Variants in COPG1 observed in about 807,000 individuals in gnomAD.
COPG1 encodes coatomer subunit gamma-1.
In COPG1, 29 loss-of-function variants were observed where a neutral mutation model predicts 102.8. The observed-to-expected ratio is 0.28, with a 90% CI of 0.21 to 0.38. COPG1 has a LOEUF of 0.38. COPG1 is among the 10% of genes least tolerant of loss of function. The pLI is 1.00. For missense variants in COPG1, 875 were observed against 1,132.7 expected (o/e 0.77, Z 3.27); for synonymous variants, 406 against 421.6 (o/e 0.96, Z 0.45).
chr3:129,264,922 A>G (rs1336441379), intron 13 of COPG1, among the ~76,000 whole-genome samples: 1 of 151,488 alleles, frequency 6.6e-6, no homozygotes, highest in East Asian at 1.9e-4. Flanking sequence ...CCTGGGTTCA[A>G]GTGATTCTCC....
chr3:129,272,266 A>G lies in COPG1; in HGVS notation c.2009A>G (p.Asn670Ser), dbSNP rs757772922. ...CAGTTTGACTGCACAAACACACTCA[A>G]TGACCAGACCTTGGAGAATGTCACA... ...VFQFDCTNTL[N>S]DQTLENVTVQ... is the part of the protein sequence containing the mutation. The change falls in exon 20 of 24, where the codon AAT becomes AGT. Residue 670 changes from asparagine (N) to serine (S), a missense_variant. Transcript: ENST00000314797. 155 of 1,613,878 alleles carry G rather than the reference A, an allele frequency of 9.6e-5. No homozygotes were observed. The highest frequency in any genetic ancestry group is 1.3e-4 in the Non-Finnish European group (149 of 1,179,896).
At chr3:129,259,679 G>A (rs1308467014) in intron 10 of COPG1, among the ~76,000 whole-genome samples, 1 of 152,132 alleles carries the variant, frequency 6.6e-6, no homozygotes, top group Admixed American at 6.5e-5. Flanking sequence ...CCAGAAAACA[G>A]TAGTCATCTT....
At chr3:129,251,444 C>T (rs889284544) in intron 2 of COPG1, among the ~76,000 whole-genome samples, 2 of 150,838 alleles carry the variant, frequency 1.3e-5, no homozygotes, top group East Asian at 1.9e-4. Flanking sequence ...TGCAGTGGCA[C>T]GATCTCGGCT....
chr3:129,260,965 C>T (rs1225076213), intron 12 of COPG1, among the ~76,000 whole-genome samples, 158 bp downstream of exon 12: 1 of 152,204 alleles, frequency 6.6e-6, no homozygotes, highest in Non-Finnish European at 1.5e-5. Context: ...ACTTGGCCTT[C>T]CGAGAAATGT....
intron 16 of COPG1, 40 bp downstream of exon 16, chr3:129,268,080 T>C: frequency 6.7e-7 from 1 of 1,501,090 alleles, no homozygotes. Context: ...AGCACCTTAC[T>C]GGAGCTGTGG....
At chr3:129,272,033 A>G in intron 19 of COPG1, 124 bp downstream of exon 19, 5 of 1,183,688 alleles carry the variant, frequency 4.2e-6, no homozygotes, top group Non-Finnish European at 5.9e-6. Flanking sequence ...TGATGACAGA[A>G]TCTGTCCCCA....
chr3:129,260,507 T>A, intron 11 of COPG1, 107 bp downstream of exon 11: 1 of 1,507,362 alleles, frequency 6.6e-7, no homozygotes, highest in South Asian at 1.2e-5. Flanking sequence ...ACAGTTAGTT[T>A]CTTCTAGATG....
Position 129,255,069 on chromosome 3 carries a change from T to C in COPG1, c.484T>C (p.Ser162Pro), listed in dbSNP as rs1939778990. The C allele has an allele frequency of 6.2e-7, 1 of 1,613,312 alleles. No homozygotes were observed. Among genetic ancestry groups the C allele is most frequent in the Non-Finnish European group, 8.5e-7 (1 of 1,179,258 alleles). Residue 162 changes from serine to proline, a missense_variant, in exon 7 of 24, where the codon TCT (serine) becomes CCT (proline). Physicochemically the swap from Ser to Pro is moderately conservative, Grantham distance 74. Transcript: ENST00000314797. ...VPSVSSSALV[S>P]SLHLLKCSFD... ...CAGTGTCTCCAGCTCTGCCCTCGTG[T>C]CTTCCTTGGTGTGTAGTTGCTGCTG...
chr3:129,272,396 C>G lies in COPG1; in HGVS notation c.2139C>G (p.Pro713=), dbSNP rs1243796155. ...PGTCYTLVAL[P]KEDPTAVACT... ...CCTGCTACACACTGGTGGCACTGCC[C>G]AAAGAAGACCCCACAGCTGGTGAGC... The change falls in exon 20 of 24, where the codon CCC becomes CCG. Residue 713 remains proline (P), a synonymous_variant. Transcript: ENST00000314797. The G allele has an allele frequency of 6.2e-7, 1 of 1,613,688 alleles. No homozygotes were observed. Among genetic ancestry groups the G allele is most frequent in the South Asian group, 1.1e-5 (1 of 91,026 alleles).
chr3:129,252,299 A>T lies in COPG1; in HGVS notation c.109A>T (p.Thr37Ser). ...VLQEARVFNE[T>S]PINPRKCAHI... Reference sequence around the variant, plus strand: ...TTCTTAGGCCCGTGTATTTAATGAAACTCCCATCAACCCTCGGAAATGTGC... The same window carrying T: ...TTCTTAGGCCCGTGTATTTAATGAATCTCCCATCAACCCTCGGAAATGTGC... The change falls in exon 3 of 24, where the codon ACT (threonine) becomes TCT (serine). Residue 37 changes from threonine (T) to serine (S), a missense_variant. Thr to Ser is a moderately conservative substitution (Grantham distance 58). Transcript: ENST00000314797. 6.2e-7 allele frequency: 1 copy of T among 1,611,518 alleles called. No individual in the cohort carries two copies. Among genetic ancestry groups the T allele is most frequent in the Non-Finnish European group, 8.5e-7 (1 of 1,177,816 alleles).
chr3:129,254,731 C>T lies in COPG1; in HGVS notation c.387C>T (p.Cys129=). The T allele has an allele frequency of 1.2e-6, 2 of 1,613,846 alleles. No homozygotes were observed. The highest frequency in any genetic ancestry group is 4.5e-5 in the East Asian group (2 of 44,886). The stretch of plus-strand genomic sequence containing the variant: ...GGGGCCCGGCCGTGCGAGCCCTCTG[C>T]CAGATCACTGATGTGAGTCGTGCCG... ...NYRGPAVRAL[C]QITDSTMLQA... Residue 129 remains cysteine (C), a synonymous_variant, in exon 6 of 24, where the codon TGC becomes TGT. Coordinates refer to ENST00000314797, the MANE Select transcript of COPG1 (RefSeq NM_016128.4).
At chr3:129,263,453 G>A (rs545371018) in intron 12 of COPG1, among the ~76,000 whole-genome samples, 1 of 152,216 alleles carries the variant, frequency 6.6e-6, no homozygotes, top group South Asian at 2.1e-4. Context: ...TATAAGAGGC[G>A]GTTAAAGCCA....
chr3:129,254,400 G>A (rs1939764111), intron 5 of COPG1: 1 of 420,304 alleles, frequency 2.4e-6, no homozygotes, highest in Non-Finnish European at 4.3e-6. Flanking sequence ...TAGCCAGTTA[G>A]GGAAGTTCAA....
intron 17 of COPG1, 119 bp downstream of exon 17, chr3:129,268,739 T>A: frequency 1.6e-6 from 2 of 1,287,426 alleles, no homozygotes; most frequent in Non-Finnish European, 2.2e-6. Context: ...GAGGAGGAAA[T>A]GATCTTTTCC....
At chr3:129,272,721 G>A (rs1005379612) in intron 20 of COPG1, 86 bp from the exon 21 acceptor site, 2 of 797,108 alleles carry the variant, frequency 2.5e-6, no homozygotes, top group African/African-American at 3.4e-5. Flanking sequence ...AGCAGGCTGT[G>A]ACCCCTGCCT....
At chr3:129,270,574 T>C (rs1156988756) in intron 18 of COPG1, among the ~76,000 whole-genome samples, 1 of 152,180 alleles carries the variant, frequency 6.6e-6, no homozygotes, top group Non-Finnish European at 1.5e-5. Flanking sequence ...CAAAAGTTCC[T>C]CCTAATATCT....
chr3:129,258,705 C>G (rs1939864124), intron 10 of COPG1, among the ~76,000 whole-genome samples: 1 of 152,208 alleles, frequency 6.6e-6, no homozygotes, highest in African/African-American at 2.4e-5. Context: ...ATCCGCCCGC[C>G]TCGGCCTCCC....
chr3:129,255,136 A>C, intron 7 of COPG1, 59 bp downstream of exon 7: 1 of 1,096,610 alleles, frequency 9.1e-7, no homozygotes, highest in South Asian at 1.3e-5. Context: ...AGAAAATTTA[A>C]GAGTCACATT....
chr3:129,268,940 C>G lies in COPG1; in HGVS notation c.1783C>G (p.Pro595Ala), dbSNP rs777619383. ...PMAEQRTEST[P>A]ITAVKQPEKV... ...ATAATTTGCTCCTGCAGAAAGTACCCCCATCACAGCAGTCAAACAGCCTGA... is the reference window on the plus strand; with the variant it reads ...ATAATTTGCTCCTGCAGAAAGTACCGCCATCACAGCAGTCAAACAGCCTGA... Residue 595 changes from proline (P) to alanine (A), a missense_variant, in exon 18 of 24, where the codon CCC becomes GCC. Coordinates refer to ENST00000314797, the MANE Select transcript of COPG1 (RefSeq NM_016128.4). 5.0e-6 allele frequency: 8 copies of G among 1,614,086 alleles called. No individual in the cohort carries two copies. The Admixed American group carries it at 1.2e-4, about 24-fold the overall frequency.
Sources: allele counts gnomAD v4.1 joint callset (sites outside exome capture counted in the v4.1 genomes callset), GRCh38; gene constraint gnomAD v4.1.1; transcripts MANE v1.5; gene names NCBI Gene and HGNC (gene_info 2026-07-23, HGNC 2026-07-21).